Variants in COX7B2 observed in about 807,000 individuals in gnomAD.
COX7B2 encodes the protein cytochrome c oxidase subunit 7B2, mitochondrial.
For missense variants in COX7B2, 109 were observed against 95.9 expected, an observed-to-expected ratio of 1.14 and a Z score of -0.57; for synonymous variants, 37 against 32.1, an observed-to-expected ratio of 1.15 and a Z score of -0.51.
chr4:46,753,697 A>T (rs1223953435), intron 2 of COX7B2, among the ~76,000 whole-genome samples: 1 of 151,820 alleles, frequency 6.6e-6, no homozygotes, highest in Non-Finnish European at 1.5e-5. Context: ...GGCAACAAAA[A>T]CCAAAATTGA....
chr4:46,861,226 TTC>T (rs1323417902), intron 1 of COX7B2, among the ~76,000 whole-genome samples: 1 of 152,210 alleles, frequency 6.6e-6, no homozygotes, highest in African/African-American at 2.4e-5. Context: ...TTTTGTCATA[TTC>T]TGTTTGCTGG....
intron 2 of COX7B2, among the ~76,000 whole-genome samples, chr4:46,829,971 G>GTT (rs1714955215): frequency 6.6e-6 from 1 of 152,134 alleles, no homozygotes; most frequent in Admixed American, 6.6e-5. Context: ...GAAATTGGTT[G>GTT]TAAGTTATGG....
At chr4:46,843,870 G>T (rs1716098709) in intron 2 of COX7B2, among the ~76,000 whole-genome samples, 1 of 151,798 alleles carries the variant, frequency 6.6e-6, no homozygotes, top group South Asian at 2.1e-4. Flanking sequence ...TAAAATACAA[G>T]AAAAAAAGTT....
intron 2 of COX7B2, among the ~76,000 whole-genome samples, chr4:46,808,762 C>T (rs1719137334): frequency 6.6e-6 from 1 of 151,802 alleles, no homozygotes; most frequent in Admixed American, 6.6e-5. Flanking sequence ...TTGGAGTACA[C>T]CAGTGCTTTT....
chr4:46,869,666 A>AT (rs1232396792), intron 1 of COX7B2, among the ~76,000 whole-genome samples: 7 of 151,336 alleles, frequency 4.6e-5, no homozygotes, highest in African/African-American at 7.3e-5. Flanking sequence ...CTAGTTGAAG[A>AT]TTTTTTTTTC....
At chr4:46,809,587 A>G (rs1165207858) in intron 2 of COX7B2, among the ~76,000 whole-genome samples, 1 of 151,784 alleles carries the variant, frequency 6.6e-6, no homozygotes, top group Non-Finnish European at 1.5e-5. Flanking sequence ...ATTTTTCATG[A>G]TTTATCTAAA....
chr4:46,799,517 C>G (rs1468093672), intron 2 of COX7B2, among the ~76,000 whole-genome samples: 2 of 152,064 alleles, frequency 1.3e-5, no homozygotes, highest in East Asian at 3.9e-4. Context: ...CTTATTATTT[C>G]AAGGTAAGTT....
intron 2 of COX7B2, among the ~76,000 whole-genome samples, chr4:46,810,377 T>C (rs925293511): frequency 1.3e-5 from 2 of 152,064 alleles, no homozygotes; most frequent in African/African-American, 2.4e-5. Flanking sequence ...TCTACCTTTA[T>C]AATTTGATAA....
intron 2 of COX7B2, among the ~76,000 whole-genome samples, chr4:46,752,015 G>A (rs1218323599): frequency 1.3e-5 from 2 of 152,192 alleles, no homozygotes; most frequent in East Asian, 1.9e-4. Flanking sequence ...GGGCAGTATG[G>A]CTATTTTCAT....
At chr4:46,906,852 A>T (rs1428670946) in intron 1 of COX7B2, among the ~76,000 whole-genome samples, 2 of 152,198 alleles carry the variant, frequency 1.3e-5, no homozygotes, top group Non-Finnish European at 2.9e-5. Flanking sequence ...GGCTCATTCC[A>T]ATATGCCCCT....
chr4:46,874,153 G>A (rs1398483204), intron 1 of COX7B2, among the ~76,000 whole-genome samples: 3 of 151,998 alleles, frequency 2.0e-5, no homozygotes, highest in Admixed American at 2.0e-4. Flanking sequence ...AAGAAAGCAT[G>A]GGCATTCAGC....
At chr4:46,740,403 C>T (rs1024199229) in intron 2 of COX7B2, among the ~76,000 whole-genome samples, 5 of 151,944 alleles carry the variant, frequency 3.3e-5, no homozygotes, top group African/African-American at 1.2e-4. Flanking sequence ...TTGGTTTTAT[C>T]GTTGTATTAA....
chr4:46,741,838 G>A (rs1714732568), intron 2 of COX7B2, among the ~76,000 whole-genome samples: 1 of 152,080 alleles, frequency 6.6e-6, no homozygotes, highest in Non-Finnish European at 1.5e-5. Flanking sequence ...CTGTAACAGA[G>A]TCTCCAAGGG....
At chr4:46,759,927 T>A (rs1716045497) in intron 2 of COX7B2, among the ~76,000 whole-genome samples, 1 of 150,206 alleles carries the variant, frequency 6.7e-6, no homozygotes, top group East Asian at 1.9e-4. Context: ...TATATAAGTC[T>A]TATCTTATAT....
chr4:46,785,251 C>A (rs1717687009), intron 2 of COX7B2, among the ~76,000 whole-genome samples: 1 of 151,910 alleles, frequency 6.6e-6, no homozygotes, highest in Non-Finnish European at 1.5e-5. Flanking sequence ...GAAAGGTATG[C>A]CATCAATGAT....
At chr4:46,799,329 C>T (rs1331763758) in intron 2 of COX7B2, among the ~76,000 whole-genome samples, 1 of 152,088 alleles carries the variant, frequency 6.6e-6, no homozygotes, top group East Asian at 1.9e-4. Flanking sequence ...TGACTTTTCT[C>T]TTCCTATTTG....
At chr4:46,890,254 G>A (rs1372688957) in intron 1 of COX7B2, among the ~76,000 whole-genome samples, 1 of 152,180 alleles carries the variant, frequency 6.6e-6, no homozygotes, top group Non-Finnish European at 1.5e-5. Flanking sequence ...TTCCGTTCTA[G>A]TAGAGATTAG....
chr4:46,736,556 A>G (rs932184122), intron 2 of COX7B2, among the ~76,000 whole-genome samples: 1 of 152,120 alleles, frequency 6.6e-6, no homozygotes, highest in Non-Finnish European at 1.5e-5. Flanking sequence ...TAGAAGGGTC[A>G]ATTTCTATGT....
At chr4:46,816,171 T>C (rs887374477) in intron 2 of COX7B2, among the ~76,000 whole-genome samples, 1 of 152,214 alleles carries the variant, frequency 6.6e-6, no homozygotes, top group Admixed American at 6.5e-5. Flanking sequence ...TCTGAATATT[T>C]GTGAATGAAA....
Sources: gnomAD v4.1 joint callset for allele counts (sites outside exome capture counted in the v4.1 genomes callset) on GRCh38, gnomAD v4.1.1 for gene constraint, MANE v1.5 for transcripts, NCBI Gene and HGNC (gene_info 2026-07-23, HGNC 2026-07-21) for gene names.